SLC22A14: variants seen among roughly 807,000 people sequenced by gnomAD.
SLC22A14 encodes the protein solute carrier family 22 member 14.
In SLC22A14, 50 loss-of-function variants were observed where a neutral mutation model predicts 53.9. That is an observed-to-expected ratio of 0.93 (90% CI 0.74 to 1.17). The LOEUF (loss-of-function observed/expected upper bound fraction) is 1.17. SLC22A14 is among the 50% of genes most tolerant of loss of function. The pLI is 0.00. For synonymous variants in SLC22A14, 312 were observed against 303.0 expected (o/e 1.03, Z -0.31); for missense variants, 671 against 734.7 (o/e 0.91, Z 1.00).
At chr3:38,298,423 C>CTATCT (rs1009736926) in intron 1 of SLC22A14, among the ~76,000 whole-genome samples, 1 of 146,380 alleles carries the variant, frequency 6.8e-6, no homozygotes, top group African/African-American at 2.5e-5. Context: ...CTTGCACACA[C>CTATCT]ATCTATCTAT....
At position 38,310,916 on chromosome 3, in the gene SLC22A14, C is replaced by T. The variant is rs144294366; in HGVS notation, c.944+1794C>T. Among the ~76,000 whole-genome samples the T allele has an allele frequency of 7.9e-4, 120 of 152,260 alleles. 1 individual carries two copies. The highest frequency in any genetic ancestry group is 2.9e-3 in the East Asian group (15 of 5,180). On this transcript the variant is annotated intron_variant, in intron 5 of 10. Coordinates refer to ENST00000448498, the MANE Select transcript of SLC22A14 (RefSeq NM_001320033.2). ...CAGATGAGAGATGGGCATCATTCTC[C>T]GGGTTTATGTAGGCCCTCAAACTCC...
Position 38,312,979 on chromosome 3 carries a change from G to A in SLC22A14, c.945-20G>A. 1 of 1,571,816 alleles carries A rather than the reference G, an allele frequency of 6.4e-7. No homozygotes were observed. Among genetic ancestry groups the A allele is most frequent in the South Asian group, 1.2e-5 (1 of 85,540 alleles). On this transcript the variant is annotated intron_variant, in intron 5 of 10. Coordinates refer to ENST00000448498, the MANE Select transcript of SLC22A14 (RefSeq NM_001320033.2). ...TGGGCATCATAGAACGGTGAGATAA[G>A]AGAGGGGCTGGCCACGCAGGATTCT...
At chr3:38,293,807 T>C (rs1159451976) in intron 1 of SLC22A14, among the ~76,000 whole-genome samples, 2 of 152,218 alleles carry the variant, frequency 1.3e-5, no homozygotes, top group Non-Finnish European at 2.9e-5. Flanking sequence ...GAATTGTTCT[T>C]TCCTCTGTTG....
chr3:38,300,775 T>G (rs1174513338), intron 1 of SLC22A14, among the ~76,000 whole-genome samples: 1 of 152,146 alleles, frequency 6.6e-6, no homozygotes, highest in Non-Finnish European at 1.5e-5. Flanking sequence ...AGGAAAGATG[T>G]TCAGCATAAG....
At chr3:38,292,899 G>A (rs950980589) in intron 1 of SLC22A14, among the ~76,000 whole-genome samples, 6 of 152,198 alleles carry the variant, frequency 3.9e-5, no homozygotes, top group Non-Finnish European at 8.8e-5. Flanking sequence ...CTTAGTGGCT[G>A]GGAGAAGTAT....
chr3:38,284,642 G>A (rs772497001), intron 1 of SLC22A14, among the ~76,000 whole-genome samples: 7 of 152,114 alleles, frequency 4.6e-5, no homozygotes, highest in Non-Finnish European at 5.9e-5. Context: ...TGCTTAGGGA[G>A]CAAGTTCCCG....
intron 1 of SLC22A14, 80 bp from the exon 2 acceptor site, chr3:38,305,947 A>T: frequency 1.4e-6 from 2 of 1,417,710 alleles, no homozygotes; most frequent in Non-Finnish European, 1.9e-6. Context: ...GCCAGTTCCT[A>T]GTCGGTGGCT....
chr3:38,300,178 G>A (rs572108770), intron 1 of SLC22A14, among the ~76,000 whole-genome samples: 1 of 152,290 alleles, frequency 6.6e-6, no homozygotes, highest in South Asian at 2.1e-4. Context: ...AGTGGCTCAC[G>A]CCTGTAATCC....
intron 1 of SLC22A14, among the ~76,000 whole-genome samples, chr3:38,282,852 T>C (rs938052969): frequency 6.6e-6 from 1 of 152,130 alleles, no homozygotes; most frequent in African/African-American, 2.4e-5. Flanking sequence ...ACCTCCACCC[T>C]CTCCAGCCTT....
At chr3:38,297,491 T>C (rs922274083) in intron 1 of SLC22A14, among the ~76,000 whole-genome samples, 17 of 152,262 alleles carry the variant, frequency 1.1e-4, no homozygotes, top group Admixed American at 8.5e-4. Flanking sequence ...CAGGGGTACA[T>C]GTGCAGGATG....
chr3:38,315,588 G>C lies in SLC22A14; in HGVS notation c.1409G>C (p.Arg470Pro), dbSNP rs35264960. The stretch of plus-strand genomic sequence containing the variant: ...GATGGCCTCAGACTCAAGTGGCCAC[G>C]TTGTCCGGCCACAGAGCTGAAATCC... ...GEDGLRLKWP[R>P]CPATELKSMT... The change falls in exon 9 of 11, where the codon CGT becomes CCT. Residue 470 changes from arginine (R) to proline (P), a missense_variant. Transcript: ENST00000448498. The C allele has an allele frequency of 6.8e-6, 11 of 1,613,950 alleles. No homozygotes were observed. The highest frequency in any genetic ancestry group is 8.5e-6 in the Non-Finnish European group (10 of 1,180,012).
upstream of SLC22A14, among the ~76,000 whole-genome samples, chr3:38,280,774 T>A (rs1452475756): frequency 1.3e-5 from 2 of 152,172 alleles, no homozygotes. Flanking sequence ...GGATTACAGG[T>A]GTGCGCCACT....
In SLC22A14 at chr3:38,309,024, G is replaced by A. The variant is rs1704394208; in HGVS notation, c.846G>A (p.Gly282=). 1 of 1,613,860 alleles carries A rather than the reference G, an allele frequency of 6.2e-7. No homozygotes were observed. Among genetic ancestry groups the A allele is most frequent in the Non-Finnish European group, 8.5e-7 (1 of 1,179,860 alleles). Residue 282 remains glycine (G), a synonymous_variant, in exon 5 of 11, where the codon GGG becomes GGA. Coordinates refer to ENST00000448498, the MANE Select transcript of SLC22A14 (RefSeq NM_001320033.2). ...TGGGACACTGCTTTTTCGCTGTTGG[G>A]GCCGTGTTGCTGACAGGGATCGCCT... ...IILGHCFFAV[G]AVLLTGIAYS... is the part of the protein sequence containing the mutation.
rs150036119 is a variant in SLC22A14 at position 38,299,602 on chromosome 3, G to A, written c.1-6425G>A. 6.0e-3 allele frequency among the ~76,000 whole-genome samples: 912 copies of A among 152,162 alleles called. 8 individuals are homozygous for A. Among genetic ancestry groups the A allele is most frequent in the African/African-American group, 0.021 (858 of 41,506 alleles). ...ATTTTTGAGATAGTCTCACCCTATC[G>A]CCTAGGCTGGAGGGCAGTGGAGCAT... On this transcript the variant is annotated intron_variant, in intron 1 of 10. Transcript: ENST00000448498.
At position 38,313,385 on chromosome 3, in the gene SLC22A14, TAGCTGC is replaced by T; in HGVS notation, c.1070_1075del (p.Gln357_Leu358del). 6.2e-7 allele frequency: 1 copy of T among 1,610,902 alleles called. No homozygotes were observed. Among genetic ancestry groups the T allele is most frequent in the Non-Finnish European group, 8.5e-7 (1 of 1,177,270 alleles). ...CCTCTGACTGGTCCTGCTTGTTCTG[TAGCTGC>T]AGCTGCCCAGAAAGAAGGTGACTCG... is the stretch of plus-strand genomic sequence containing the variant. On this transcript the variant is annotated splice_acceptor_variant and coding_sequence_variant, in exon 7 of 11. Transcript: ENST00000448498. LOFTEE classifies it high-confidence loss of function.
chr3:38,313,778 G>A lies in SLC22A14; in HGVS notation c.1215G>A (p.Leu405=), dbSNP rs141456336. The change falls in exon 8 of 11, where the codon CTG becomes CTA. Residue 405 remains leucine, a synonymous_variant. Transcript: ENST00000448498. The part of the protein sequence containing the change: ...YFTLSLRMRE[L]GVSVHFRHVV... ...CGTTGAGCCTGAGAATGAGAGAGCT[G>A]GGCGTGAGCGTCCACTTCAGACACG... 3 of 1,612,160 alleles carry A rather than the reference G, an allele frequency of 1.9e-6. No homozygotes were observed. The highest frequency in any genetic ancestry group is 2.5e-6 in the Non-Finnish European group (3 of 1,179,112).
At chr3:38,305,007 GT>G (rs1287349631) in intron 1 of SLC22A14, among the ~76,000 whole-genome samples, 1 of 152,022 alleles carries the variant, frequency 6.6e-6, no homozygotes, top group Non-Finnish European at 1.5e-5. Flanking sequence ...TCCTCTTAGT[GT>G]TTTTATCTCA....
intron 8 of SLC22A14, 119 bp downstream of exon 8, chr3:38,314,060 T>A (rs989376150): frequency 3.6e-5 from 27 of 742,824 alleles, no homozygotes; most frequent in Non-Finnish European, 4.2e-5. Flanking sequence ...CTTCTGCACC[T>A]ATAGCCCACC....
At chr3:38,309,760 G>A (rs1320729562) in intron 5 of SLC22A14, among the ~76,000 whole-genome samples, 1 of 152,098 alleles carries the variant, frequency 6.6e-6, no homozygotes, top group Non-Finnish European at 1.5e-5. Context: ...GGAAAAGAGA[G>A]GGACAAAACA....
Sources: gnomAD v4.1 joint callset for allele counts (sites outside exome capture counted in the v4.1 genomes callset) on GRCh38, gnomAD v4.1.1 for gene constraint, MANE v1.5 for transcripts, NCBI Gene and HGNC (gene_info 2026-07-23, HGNC 2026-07-21) for gene names.